The following AKAP9 variants were observed in gnomAD, a reference collection of about 807,000 sequenced individuals.
The protein encoded by AKAP9 is A-kinase anchoring protein 9, also known as A-kinase anchor protein 9.
In AKAP9, 311 loss-of-function variants were observed where a neutral mutation model predicts 488.5. The ratio of observed to expected loss-of-function variants is 0.64; its 90% CI spans 0.58 to 0.70. The LOEUF (loss-of-function observed/expected upper bound fraction) is 0.70, where lower values mean the gene tolerates loss of function less well. Among genes scored for constraint, AKAP9 ranks in the 30% least tolerant of loss-of-function variants. AKAP9 has a pLI of 0.00. For synonymous variants in AKAP9, 1,462 were observed against 1,483.5 expected (o/e 0.99, Z 0.33); for missense variants, 4,215 against 4,374.5 (o/e 0.96, Z 1.03).
intron 28 of AKAP9, 26 bp downstream of exon 28, chr7:92,071,035 C>T: frequency 6.5e-7 from 1 of 1,533,134 alleles, no homozygotes; most frequent in Non-Finnish European, 9.0e-7. Context: ...TTAAATGACA[C>T]AGCGTGGTTT....
chr7:92,089,533 T>C lies in AKAP9; in HGVS notation c.9358+4T>C. 3 of 1,612,960 alleles carry C rather than the reference T, an allele frequency of 1.9e-6. No individual in the cohort carries two copies. Among genetic ancestry groups the C allele is most frequent in the Non-Finnish European group, 2.5e-6 (3 of 1,179,306 alleles). On this transcript the variant is annotated splice_donor_region_variant and intron_variant, in intron 38 of 49. Coordinates refer to ENST00000356239, the MANE Select transcript of AKAP9 (RefSeq NM_005751.5). The stretch of plus-strand genomic sequence containing the variant: ...GAGAGTGAGAAACCAAGCCAAGGTA[T>C]GTTGTATGACAAGCTCATATGGTTA...
At position 92,102,647 on chromosome 7, in the gene AKAP9, C is replaced by T. The variant is rs1418284686; in HGVS notation, c.11151C>T (p.Tyr3717=). The stretch of plus-strand genomic sequence containing the variant: ...AAAGTTTTCGAAAGGCTCTCATTTA[C>T]CAGAAGAAATACCTGCTGCTGTTAC... The part of the protein sequence containing the change: ...RAESFRKALI[Y]QKKYLLLLLG... The change falls in exon 46 of 50, where the codon TAC becomes TAT. Residue 3717 remains tyrosine (Y), a synonymous_variant. Transcript: ENST00000356239. The T allele has an allele frequency of 2.5e-6, 4 of 1,614,186 alleles. No homozygotes were observed. Among genetic ancestry groups the T allele is most frequent in the South Asian group, 1.1e-5 (1 of 91,074 alleles).
Position 92,062,312 on chromosome 7 carries a change from G to A in AKAP9, c.5803G>A (p.Glu1935Lys), listed in dbSNP as rs774591642. 6.2e-6 allele frequency: 10 copies of A among 1,613,644 alleles called. No individual in the cohort carries two copies. The South Asian group carries it at 1.1e-4, about 18-fold the overall frequency. The change falls in exon 24 of 50, where the codon GAA becomes AAA. Residue 1935 changes from glutamate to lysine, a missense_variant. Transcript: ENST00000356239. Reference protein sequence around the residue: ...DGYADEKTLFERQIQEKTDII... With the variant: ...DGYADEKTLFKRQIQEKTDII... Reference sequence around the variant, plus strand: ...CTATGCAGATGAAAAAACTCTTTTTGAAAGGCAAATTCAGGAAAAAACTGA... The same window carrying A: ...CTATGCAGATGAAAAAACTCTTTTTAAAAGGCAAATTCAGGAAAAAACTGA...
Position 92,079,502 on chromosome 7 carries a change from C to T in AKAP9, c.7369C>T (p.His2457Tyr), listed in dbSNP as rs1051568174. The T allele has an allele frequency of 4.3e-6, 7 of 1,613,804 alleles. No homozygotes were observed. In the Admixed American group the frequency reaches 6.7e-5, roughly 15 times the overall value. ...PENSVNVAID[H>Y]LSKDKPELEV... ...GAATAGTGTTAACGTGGCTATAGAT[C>T]ATCTGAGCAAAGACAAACCTGAACT... The change falls in exon 31 of 50, where the codon CAT becomes TAT. Residue 2457 changes from histidine to tyrosine, a missense_variant. Coordinates refer to ENST00000356239, the MANE Select transcript of AKAP9 (RefSeq NM_005751.5).
chr7:91,989,034 G>C (rs373258064), intron 3 of AKAP9, among the ~76,000 whole-genome samples: 4 of 152,062 alleles, frequency 2.6e-5, no homozygotes, highest in African/African-American at 7.2e-5. Flanking sequence ...TATGTGTTTG[G>C]CATACATTAG....
chr7:91,981,267 C>T (rs1796373841), intron 3 of AKAP9, among the ~76,000 whole-genome samples: 1 of 152,088 alleles, frequency 6.6e-6, no homozygotes, highest in African/African-American at 2.4e-5. Flanking sequence ...GTTGGCCCTC[C>T]ATATCCCTGG....
At position 92,062,274 on chromosome 7, in the gene AKAP9, G is replaced by A. The variant is rs1810004363; in HGVS notation, c.5765G>A (p.Gly1922Asp). The A allele has an allele frequency of 1.2e-6, 2 of 1,608,784 alleles. No homozygotes were observed. The highest frequency in any genetic ancestry group is 1.7e-6 in the Non-Finnish European group (2 of 1,175,460). Residue 1922 changes from glycine to aspartate, a missense_variant and splice_region_variant, in exon 24 of 50, where the codon GGC becomes GAC. By Grantham distance (94) the Gly-to-Asp change is moderately conservative. Around this residue, in one of 5 missense-constraint regions of AKAP9, gnomAD observed 2,361 missense variants for 2,430.0 expected, o/e 0.97. Transcript: ENST00000356239. The stretch of plus-strand genomic sequence containing the variant: ...ATTTTCTGTTAATTTTGTATTATAG[G>A]CGTCATTGATGGCTATGCAGATGAA... ...QLAVELSKAEGVIDGYADEKT... is the reference protein window; with the variant it reads ...QLAVELSKAEDVIDGYADEKT...
At chr7:92,015,857 A>G (rs1801439690) in intron 10 of AKAP9, among the ~76,000 whole-genome samples, 2 of 152,198 alleles carry the variant, frequency 1.3e-5, no homozygotes, top group East Asian at 3.8e-4. Context: ...TGATTAAAGT[A>G]TAAGATAAAT....
chr7:92,039,581 A>G (rs1805728194), intron 17 of AKAP9, among the ~76,000 whole-genome samples: 1 of 152,242 alleles, frequency 6.6e-6, no homozygotes, highest in South Asian at 2.1e-4. Flanking sequence ...CCTTTAACAG[A>G]AAGTAATAAA....
At chr7:92,075,260 G>A (rs181678237) in intron 28 of AKAP9, among the ~76,000 whole-genome samples, 152 of 152,244 alleles carry the variant, frequency 1.0e-3, no homozygotes, top group Middle Eastern at 3.4e-3. Context: ...AGGAAATTTC[G>A]TATGAGATAG....
rs368263036 is a variant in AKAP9, at chr7:92,095,127, A to G, written c.9683A>G (p.Lys3228Arg). ...RELQWALEKEKAKLGRSEERD... is the reference protein window; with the variant it reads ...RELQWALEKERAKLGRSEERD... The stretch of plus-strand genomic sequence containing the variant: ...CTCCAGTGGGCTTTGGAGAAAGAGA[A>G]AGCCAAGTTGGGACGCAGTGAAGAA... Residue 3228 changes from lysine (K) to arginine (R), a missense_variant, in exon 40 of 50, where the codon AAA becomes AGA. This residue lies in a region of AKAP9 where 1,476 missense variants were observed against 1,477.4 expected (regional missense o/e 1.00). Coordinates refer to ENST00000356239, the MANE Select transcript of AKAP9 (RefSeq NM_005751.5). 2.2e-5 allele frequency: 36 copies of G among 1,614,204 alleles called. No individual in the cohort carries two copies. Among genetic ancestry groups the G allele is most frequent in the Middle Eastern group, 3.3e-4 (2 of 6,062 alleles).
chr7:92,105,714 A>G lies in AKAP9; in HGVS notation c.11367A>G (p.Thr3789=), dbSNP rs369441906. 2.5e-6 allele frequency: 4 copies of G among 1,614,090 alleles called. No homozygotes were observed. The African/African-American group carries it at 5.3e-5, about 22-fold the overall frequency. ...TGGTTCGACGGTGGCATCGAGTCAC[A>G]GGTTCTGTTTCCATCAATATTAACA... is the stretch of plus-strand genomic sequence containing the variant. ...KFLVRRWHRV[T]GSVSININRD... is the part of the protein sequence containing the mutation. Residue 3789 remains threonine (T), a synonymous_variant, in exon 47 of 50, where the codon ACA becomes ACG. Coordinates refer to ENST00000356239, the MANE Select transcript of AKAP9 (RefSeq NM_005751.5).
chr7:92,109,965 G>A (rs901801355), intron 49 of AKAP9, among the ~76,000 whole-genome samples, 157 bp from the exon 50 acceptor site: 1 of 152,030 alleles, frequency 6.6e-6, no homozygotes, highest in Non-Finnish European at 1.5e-5. Flanking sequence ...GTAGTGGGGA[G>A]AGACTCAGTT....
intron 46 of AKAP9, 84 bp downstream of exon 46, chr7:92,102,910 G>A: frequency 1.7e-6 from 2 of 1,199,668 alleles, no homozygotes; most frequent in Non-Finnish European, 2.4e-6. Flanking sequence ...ATTCTCTGCT[G>A]GTTATACTCT....
chr7:92,085,506 A>C lies in AKAP9; in HGVS notation c.8844A>C (p.Arg2948Ser), dbSNP rs1482054175. 2.5e-6 allele frequency: 4 copies of C among 1,613,932 alleles called. No homozygotes were observed. The highest frequency in any genetic ancestry group is 1.3e-5 in the African/African-American group (1 of 74,908). The change falls in exon 36 of 50, where the codon AGA (arginine) becomes AGC (serine). Residue 2948 changes from arginine to serine, a missense_variant. Around this residue, in one of 5 missense-constraint regions of AKAP9, gnomAD observed 1,476 missense variants for 1,477.4 expected, o/e 1.00. Coordinates refer to ENST00000356239, the MANE Select transcript of AKAP9 (RefSeq NM_005751.5). The part of the protein sequence containing the change: ...SFPKKIKGLL[R>S]AVHNEGMQVL... ...GTTTTGGTTTCCAGGGATTACTGAG[A>C]GCTGTCCATAATGAAGGCATGCAGG...
intron 47 of AKAP9, among the ~76,000 whole-genome samples, chr7:92,106,453 C>T (rs1162448734): frequency 6.6e-6 from 1 of 152,142 alleles, no homozygotes; most frequent in Non-Finnish European, 1.5e-5. Context: ...CAAACACTGG[C>T]AGTCTGGGTC....
intron 16 of AKAP9, 135 bp downstream of exon 16, chr7:92,031,739 T>C: frequency 1.5e-6 from 1 of 687,522 alleles, no homozygotes; most frequent in Non-Finnish European, 2.5e-6. Context: ...TTGGATAATA[T>C]CAATTATAGT....
At position 92,065,418 on chromosome 7, in the gene AKAP9, C is replaced by T. The variant is rs766673963; in HGVS notation, c.6165C>T (p.Asn2055=). ...AACTAATGGATTTAAGACAGCAAAACCAAGCATTGGAAAAGCAGTTAGAAA... is the reference window on the plus strand; with the variant it reads ...AACTAATGGATTTAAGACAGCAAAATCAAGCATTGGAAAAGCAGTTAGAAA... ...NTELMDLRQQ[N]QALEKQLEKM... Residue 2055 remains asparagine, a synonymous_variant, in exon 25 of 50, where the codon AAC becomes AAT. Coordinates refer to ENST00000356239, the MANE Select transcript of AKAP9 (RefSeq NM_005751.5). 2 of 1,611,112 alleles carry T rather than the reference C, an allele frequency of 1.2e-6. No individual in the cohort carries two copies. The highest frequency in any genetic ancestry group is 1.7e-5 in the Admixed American group (1 of 59,764).
At chr7:92,069,831 C>T (rs1811389677) in intron 26 of AKAP9, among the ~76,000 whole-genome samples, 199 bp from the exon 27 acceptor site, 1 of 152,010 alleles carries the variant, frequency 6.6e-6, no homozygotes, top group South Asian at 2.1e-4. Context: ...TAGTGCATGA[C>T]GATCGTGCCT....
Sources: gnomAD v4.1 joint callset for allele counts (sites outside exome capture counted in the v4.1 genomes callset) on GRCh38, gnomAD v4.1.1 for gene constraint, gnomAD v4.1.1 regional missense constraint, MANE v1.5 for transcripts, NCBI Gene and HGNC (gene_info 2026-07-23, HGNC 2026-07-21) for gene names.